Variants in ACAP3 observed in about 807,000 individuals in gnomAD.
ACAP3 encodes the protein ArfGAP with coiled-coil, ankyrin repeat and PH domains 3.
Under a neutral mutation model 104.1 loss-of-function variants are expected in ACAP3, and 56 were observed. The ratio of observed to expected loss-of-function variants is 0.54; its 90% CI spans 0.43 to 0.67. The LOEUF is 0.67. Among genes scored for constraint, ACAP3 ranks in the 30% least tolerant of loss-of-function variants. The pLI is 0.00. For synonymous variants in ACAP3, 628 were observed against 496.2 expected, an observed-to-expected ratio of 1.27 and a Z score of -3.53; for missense variants, 1,208 against 1,174.9, an observed-to-expected ratio of 1.03 and a Z score of -0.41.
At chr1:1,295,331 C>T in intron 19 of ACAP3, 116 bp downstream of exon 19, 1 of 949,224 alleles carries the variant, frequency 1.1e-6, no homozygotes. Flanking sequence ...CAGGAGGCCC[C>T]CCGCCCCTTC....
chr1:1,299,491 C>T (rs757391417), intron 9 of ACAP3, 135 bp from the exon 10 acceptor site: 7 of 1,155,286 alleles, frequency 6.1e-6, no homozygotes, highest in Non-Finnish European at 8.3e-6. Flanking sequence ...GGGCTCTCCC[C>T]TATCCCAAAA....
chr1:1,294,223 C>A, intron 21 of ACAP3, 24 bp from the exon 22 acceptor site: 1 of 1,557,894 alleles, frequency 6.4e-7, no homozygotes, highest in Non-Finnish European at 8.7e-7. Flanking sequence ...GCAACTCAGA[C>A]GGAGCCACGG....
Position 1,295,789 on chromosome 1 carries a change from C to A in ACAP3, c.1652G>T (p.Arg551Leu). The A allele has an allele frequency of 6.2e-7, 1 of 1,608,980 alleles. No individual in the cohort carries two copies. The highest frequency in any genetic ancestry group is 2.2e-5 in the East Asian group (1 of 44,870). ...PHSSPRAPTA[R>L]RKVRLEPVLP... is the part of the protein sequence containing the mutation. ...AACGGGCTCAAGCCGGACCTTGCGG[C>A]GGGCAGTGGGAGCGCGGGGAGAGCT... The change falls in exon 18 of 24, where the codon CGC becomes CTC. Residue 551 changes from arginine (R) to leucine (L), a missense_variant. Arg to Leu is a moderately radical substitution (Grantham distance 102). Coordinates refer to ENST00000354700, the MANE Select transcript of ACAP3 (RefSeq NM_030649.3).
rs1194330768 is a variant in ACAP3 at position 1,293,716 on chromosome 1, G to C, written c.2361-8C>G. On this transcript the variant is annotated splice_region_variant and splice_polypyrimidine_tract_variant and intron_variant, in intron 23 of 23. Coordinates refer to ENST00000354700, the MANE Select transcript of ACAP3 (RefSeq NM_030649.3). ...ATGCGCGCCAGACGGAGCCTACGGG[G>C]AGGCACAGCGTGAGACGCCCCTGCC... The C allele has an allele frequency of 4.0e-6, 4 of 1,007,756 alleles. No homozygotes were observed. The highest frequency in any genetic ancestry group is 4.7e-6 in the Non-Finnish European group (4 of 856,888). The allele number at this position is 1,007,756 out of a possible 1,614,324, so 62.4% of individuals were successfully genotyped here. A position where few individuals can be genotyped will look rare whatever the true frequency, so the allele number is the denominator to read the frequency against.
Position 1,302,027 on chromosome 1 carries a change from T to C in ACAP3, c.299A>G (p.Gln100Arg). 1 of 1,566,402 alleles carries C rather than the reference T, an allele frequency of 6.4e-7. No homozygotes were observed. ...NYHMILFDQA[Q>R]RSVRQQLQSF... ...CTGGAGCTGCTGCCGCACGGACCTC[T>C]GGGCCTGGTCAAACAGGATCTGGGG... The change falls in exon 5 of 24, where the codon CAG becomes CGG. Residue 100 changes from glutamine (Q) to arginine (R), a missense_variant. Gln to Arg is a conservative substitution (Grantham distance 43). Transcript: ENST00000354700.
chr1:1,302,072 C>G, intron 4 of ACAP3, 26 bp from the exon 5 acceptor site: 1 of 1,491,642 alleles, frequency 6.7e-7, no homozygotes, highest in Non-Finnish European at 9.0e-7. Flanking sequence ...GGCAGAGATC[C>G]TTGGGGTCTG....
In ACAP3 at chr1:1,303,985, A is replaced by G. The variant is rs1013834716; in HGVS notation, c.105+101T>C. 3 of 1,395,374 alleles carry G rather than the reference A, an allele frequency of 2.1e-6. No individual in the cohort carries two copies. The highest frequency in any genetic ancestry group is 2.0e-6 in the Non-Finnish European group (2 of 1,015,382). The allele number at this position is 1,395,374 out of a possible 1,614,324, so 86.4% of individuals were successfully genotyped here. ...GGAGCACCACACGCATGCTCCACAT[A>G]TGGGGGGTGTAAGTGGCTTAGTAAG... On this transcript the variant is annotated intron_variant, in intron 2 of 23. Transcript: ENST00000354700. The surrounding 1 kb of genome is among the most constrained non-coding windows in gnomAD (Gnocchi z 4.0).
In ACAP3 at chr1:1,304,156, C is replaced by A. The variant is rs750313445; in HGVS notation, c.48-13G>T. The A allele has an allele frequency of 8.4e-6, 13 of 1,550,366 alleles. 1 individual carries two copies. In the South Asian group the frequency reaches 1.2e-4, roughly 14 times the overall value. On this transcript the variant is annotated splice_polypyrimidine_tract_variant and intron_variant, in intron 1 of 23. Transcript: ENST00000354700. ...GTCAATGGTCGCCCTAAAGCAAGAA[C>A]GGGGCTGGCTGGGGTCACCTGCAGC...
rs1315038068 is a variant in ACAP3 at position 1,298,642 on chromosome 1, A to C, written c.788T>G (p.Val263Gly). ...CATCACCACCCCACTGGGCGCGTCC[A>C]CGTCAAACTCCACTTTGGACTCATC... ...SYDESKVEFD[V>G]DAPSGVVMEG... Residue 263 changes from valine (V) to glycine (G), a missense_variant, in exon 11 of 24, where the codon GTG (valine) becomes GGG (glycine). Coordinates refer to ENST00000354700, the MANE Select transcript of ACAP3 (RefSeq NM_030649.3). 6.2e-7 allele frequency: 1 copy of C among 1,611,784 alleles called. No individual in the cohort carries two copies. The highest frequency in any genetic ancestry group is 2.2e-5 in the East Asian group (1 of 44,824).
chr1:1,303,298 C>A lies in ACAP3; in HGVS notation c.106-17G>T. On this transcript the variant is annotated splice_polypyrimidine_tract_variant and intron_variant, in intron 2 of 23. Transcript: ENST00000354700. This position sits in a 1 kb window ranked among gnomAD's most constrained non-coding sequence, Gnocchi z 4.0. The stretch of plus-strand genomic sequence containing the variant: ...CTTCACCAGCTGTGGGCCAGCGGGG[C>A]GTGGTGAGCACAGTGGGCACTGGCG... 1 of 1,562,690 alleles carries A rather than the reference C, an allele frequency of 6.4e-7. No individual in the cohort carries two copies. The highest frequency in any genetic ancestry group is 8.7e-7 in the Non-Finnish European group (1 of 1,154,612).
At position 1,302,000 on chromosome 1, in the gene ACAP3, C is replaced by T. The variant is rs1222842642; in HGVS notation, c.326G>A (p.Ser109Asn). ...AQRSVRQQLQ[S>N]FVKEDVRKFK... ...GGGGGCCACTCACTCTTTGACAAAG[C>T]TCTGGAGCTGCTGCCGCACGGACCT... The change falls in exon 5 of 24, where the codon AGC becomes AAC. Residue 109 changes from serine (S) to asparagine (N), a missense_variant. Coordinates refer to ENST00000354700, the MANE Select transcript of ACAP3 (RefSeq NM_030649.3). The T allele has an allele frequency of 2.5e-6, 4 of 1,573,626 alleles. No individual in the cohort carries two copies. Among genetic ancestry groups the T allele is most frequent in the Non-Finnish European group, 3.5e-6 (4 of 1,158,574 alleles).
In ACAP3 at chr1:1,300,080, G is replaced by A. The variant is rs370056299; in HGVS notation, c.568-12C>T. 1.6e-4 allele frequency: 256 copies of A among 1,611,584 alleles called. No homozygotes were observed. The highest frequency in any genetic ancestry group is 1.6e-4 in the Non-Finnish European group (193 of 1,179,338). On this transcript the variant is annotated splice_polypyrimidine_tract_variant and intron_variant, in intron 7 of 23. Coordinates refer to ENST00000354700, the MANE Select transcript of ACAP3 (RefSeq NM_030649.3). Reference sequence around the variant, plus strand: ...ATGAAGGACAGCATCTGCGGGGGCAGCACAGGTGAGGCCCAAGCACACCCG... The same window carrying A: ...ATGAAGGACAGCATCTGCGGGGGCAACACAGGTGAGGCCCAAGCACACCCG...
chr1:1,293,961 C>CGGGGA lies in ACAP3; in HGVS notation c.2250-29_2250-28insTCCCC, dbSNP rs759425174. 9.0e-4 allele frequency: 581 copies of CGGGGA among 645,012 alleles called. 2 individuals are homozygous for CGGGGA. The highest frequency in any genetic ancestry group is 1.4e-3 in the Non-Finnish European group (544 of 391,336). The allele number at this position is 645,012 out of a possible 1,614,324, so 40.0% of individuals were successfully genotyped here. The stretch of plus-strand genomic sequence containing the variant: ...GAGGGGCGAGGTCGGAGGGGCGTGT[C>CGGGGA]GGGGCGGGGCGGGGCGGGGCGAGTG... On this transcript the variant is annotated intron_variant, in intron 22 of 23. Transcript: ENST00000354700.
rs1212088074 is a variant in ACAP3, at chr1:1,293,692, T to A, written c.2377A>T (p.Met793Leu). The change falls in exon 24 of 24, where the codon ATG becomes TTG. Residue 793 changes from methionine to leucine, a missense_variant. Physicochemically the swap from Met to Leu is conservative, Grantham distance 15. Coordinates refer to ENST00000354700, the MANE Select transcript of ACAP3 (RefSeq NM_030649.3). ...DIVTLLRLAR[M>L]AEEMREAEAA... ...TCGGCCTCGCGCATTTCCTCCGCCATGCGCGCCAGACGGAGCCTACGGGGA... is the reference window on the plus strand; with the variant it reads ...TCGGCCTCGCGCATTTCCTCCGCCAAGCGCGCCAGACGGAGCCTACGGGGA... 7.2e-7 allele frequency: 1 copy of A among 1,389,918 alleles called. No individual in the cohort carries two copies. Among genetic ancestry groups the A allele is most frequent in the South Asian group, 1.4e-5 (1 of 70,228 alleles). 86.1% of individuals were successfully genotyped at this position (1,389,918 alleles called of 1,614,324 possible). A position where few individuals can be genotyped will look rare whatever the true frequency, so the allele number is the denominator to read the frequency against.
At chr1:1,301,073 T>TA (rs2100456821) in intron 5 of ACAP3, among the ~76,000 whole-genome samples, 1 of 152,174 alleles carries the variant, frequency 6.6e-6, no homozygotes, top group Admixed American at 6.5e-5. Context: ...GGCCTGGTTT[T>TA]GTTTGTTTGA....
intron 10 of ACAP3, 117 bp downstream of exon 10, chr1:1,299,228 C>T (rs912842738): frequency 1.6e-5 from 21 of 1,338,362 alleles, no homozygotes; most frequent in African/African-American, 4.4e-5. Context: ...CAGCAGGAGC[C>T]GAGACTGGTG....
rs757717414 is a variant in ACAP3 at position 1,296,095 on chromosome 1, A to G, written c.1422T>C (p.Leu474=). The change falls in exon 17 of 24, where the codon CTT becomes CTC. Residue 474 remains leucine, a synonymous_variant. Coordinates refer to ENST00000354700, the MANE Select transcript of ACAP3 (RefSeq NM_030649.3). ...EPELLKLMCE[L]GNSAVNQIYE... is the part of the protein sequence containing the mutation. ...AGATCTGATTCACAGCGCTGTTTCC[A>G]AGCTCACACATCAGCTAGCGGGAGA... 1 of 1,612,718 alleles carries G rather than the reference A, an allele frequency of 6.2e-7. No homozygotes were observed. Among genetic ancestry groups the G allele is most frequent in the South Asian group, 1.1e-5 (1 of 91,088 alleles).
Position 1,295,784 on chromosome 1 carries a change from T to TG in ACAP3, c.1656dup (p.Lys553GlnfsTer5). ...GGCAGAACGGGCTCAAGCCGGACCT[T>TG]GCGGCGGGCAGTGGGAGCGCGGGGA... On this transcript the variant is annotated frameshift_variant, in exon 18 of 24. Coordinates refer to ENST00000354700, the MANE Select transcript of ACAP3 (RefSeq NM_030649.3). LOFTEE classifies it high-confidence loss of function. 2 of 1,608,724 alleles carry TG rather than the reference T, an allele frequency of 1.2e-6. No homozygotes were observed. Among genetic ancestry groups the TG allele is most frequent in the Non-Finnish European group, 1.7e-6 (2 of 1,179,624 alleles).
chr1:1,301,300 C>T (rs1053596523), intron 5 of ACAP3: 1 of 146,664 alleles, frequency 6.8e-6, no homozygotes, highest in South Asian at 2.2e-4. Context: ...CTCTCTGTCA[C>T]CCAGGCTGGA....
Sources: gnomAD v4.1 joint callset for allele counts (sites outside exome capture counted in the v4.1 genomes callset) on GRCh38, gnomAD v4.1.1 for gene constraint, Gnocchi (gnomAD v3.1) non-coding constraint, MANE v1.5 for transcripts, NCBI Gene and HGNC (gene_info 2026-07-23, HGNC 2026-07-21) for gene names.